WDR1: variants seen among roughly 807,000 people sequenced by gnomAD.
WDR1 encodes the protein WD repeat-containing protein 1.
Under a neutral mutation model 71.9 loss-of-function variants are expected in WDR1, and 21 were observed. The observed-to-expected ratio is 0.29, with a 90% CI of 0.21 to 0.42. WDR1 has a LOEUF of 0.42. Ranked by LOEUF, WDR1 falls within the 10% of genes least tolerant of loss-of-function variation. WDR1 has a pLI of 1.00. For synonymous variants in WDR1, 424 were observed against 347.4 expected, an observed-to-expected ratio of 1.22 and a Z score of -2.45; for missense variants, 696 against 824.5, an observed-to-expected ratio of 0.84 and a Z score of 1.91.
intron 4 of WDR1, 55 bp downstream of exon 4, chr4:10,098,937 A>G (rs1158776604): frequency 3.1e-6 from 5 of 1,609,732 alleles, no homozygotes; most frequent in Admixed American, 3.3e-5. Context: ...GTCATAGCAC[A>G]TGGACGCATG....
intron 12 of WDR1, 51 bp downstream of exon 12, chr4:10,078,840 A>G (rs1764898350): frequency 3.3e-6 from 5 of 1,510,152 alleles, no homozygotes; most frequent in Admixed American, 3.4e-5. Context: ...CTGTCCCCAA[A>G]TCACCCAGAT....
intron 8 of WDR1, among the ~76,000 whole-genome samples, chr4:10,086,330 C>G (rs972247043): frequency 2.6e-5 from 4 of 152,316 alleles, no homozygotes; most frequent in African/African-American, 9.6e-5. Context: ...CCTCTATCCT[C>G]GAGGCCACGT....
rs1469033107 is a variant in WDR1, at chr4:10,088,564, C to T, written c.636+100G>A. ...ATGTGGGGAGGGCGATGTCTAAGTTCTGCATGTCAGGACTAGCATTAGGCA... is the reference window on the plus strand; with the variant it reads ...ATGTGGGGAGGGCGATGTCTAAGTTTTGCATGTCAGGACTAGCATTAGGCA... On this transcript the variant is annotated intron_variant, in intron 6 of 14. Transcript: ENST00000499869. 9.1e-6 allele frequency: 11 copies of T among 1,202,592 alleles called. No individual in the cohort carries two copies. The Admixed American group carries it at 2.2e-4, about 24-fold the overall frequency. 74.5% of individuals were successfully genotyped at this position (1,202,592 alleles called of 1,614,324 possible).
chr4:10,110,909 C>A (rs939026376), intron 2 of WDR1, among the ~76,000 whole-genome samples: 1 of 152,200 alleles, frequency 6.6e-6, no homozygotes, highest in Non-Finnish European at 1.5e-5. Flanking sequence ...GGAAATTACC[C>A]CTCCCTGAAA....
intron 2 of WDR1, among the ~76,000 whole-genome samples, chr4:10,115,289 G>A (rs1713641852): frequency 6.6e-6 from 1 of 152,206 alleles, no homozygotes; most frequent in African/African-American, 2.4e-5. Context: ...CTGACAGACT[G>A]GGTCACCCCA....
At chr4:10,083,586 C>G (rs766216418) in intron 9 of WDR1, 12 of 481,060 alleles carry the variant, frequency 2.5e-5, no homozygotes, top group Non-Finnish European at 4.5e-5. Context: ...CGGACAGTCC[C>G]TTTGGGAGGT....
At chr4:10,083,439 G>T (rs35158081) in intron 9 of WDR1, among the ~76,000 whole-genome samples, 1 of 152,194 alleles carries the variant, frequency 6.6e-6, no homozygotes, top group African/African-American at 2.4e-5. Flanking sequence ...CCAGCAAGCT[G>T]GGGAGGCTCC....
At chr4:10,109,245 CA>C (rs1713204820) in intron 2 of WDR1, among the ~76,000 whole-genome samples, 1 of 152,268 alleles carries the variant, frequency 6.6e-6, no homozygotes, top group Non-Finnish European at 1.5e-5. Context: ...GACCTGAACT[CA>C]GGGCCAGTTG....
At chr4:10,076,866 T>G (rs375510252) in intron 14 of WDR1, 2 of 166,994 alleles carry the variant, frequency 1.2e-5, no homozygotes, top group Non-Finnish European at 1.3e-5. Flanking sequence ...CAGGGAGAAA[T>G]GATGACATGC....
chr4:10,103,922 G>T lies in WDR1; in HGVS notation c.203C>A (p.Pro68His). The change falls in exon 3 of 15, where the codon CCC becomes CAC. Residue 68 changes from proline to histidine, a missense_variant. Pro to His is a moderately conservative substitution (Grantham distance 77, BLOSUM62 -2). Transcript: ENST00000499869. ...TCCGGAGGCAATGTAGAATCCGCTG[G>T]GCGCATACTTGGCCACCACCACCTG... ...AHQVVVAKYA[P>H]SGFYIASGDV... The T allele has an allele frequency of 6.3e-7, 1 of 1,598,084 alleles. No homozygotes were observed. Among genetic ancestry groups the T allele is most frequent in the Non-Finnish European group, 8.5e-7 (1 of 1,172,716 alleles).
At chr4:10,100,030 G>A (rs886688538) in intron 3 of WDR1, among the ~76,000 whole-genome samples, 4 of 152,232 alleles carry the variant, frequency 2.6e-5, no homozygotes, top group African/African-American at 9.6e-5. Context: ...TTGGCGTGAA[G>A]AAATGGGAGC....
At position 10,116,208 on chromosome 4, in the gene WDR1, C is replaced by A; in HGVS notation, c.43G>T (p.Val15Leu). Residue 15 changes from valine (V) to leucine (L), a missense_variant, in exon 2 of 15, where the codon GTG (valine) becomes TTG (leucine). Val to Leu is a conservative substitution (Grantham distance 32, BLOSUM62 1). Transcript: ENST00000499869. ...IKKVFASLPQVERGVSKIIGG... is the reference protein window; with the variant it reads ...IKKVFASLPQLERGVSKIIGG... ...ATGATCTTGGAGACGCCCCTCTCCACCTGCGGGAGGCTGGCGAACACCTTC... is the reference window on the plus strand; with the variant it reads ...ATGATCTTGGAGACGCCCCTCTCCAACTGCGGGAGGCTGGCGAACACCTTC... 1 of 1,613,754 alleles carries A rather than the reference C, an allele frequency of 6.2e-7. No homozygotes were observed. Among genetic ancestry groups the A allele is most frequent in the Non-Finnish European group, 8.5e-7 (1 of 1,179,846 alleles).
At chr4:10,110,396 C>T (rs1423692434) in intron 2 of WDR1, among the ~76,000 whole-genome samples, 1 of 152,192 alleles carries the variant, frequency 6.6e-6, no homozygotes, top group Non-Finnish European at 1.5e-5. Flanking sequence ...TGAGGCTAAA[C>T]CTCTTCTCTT....
At chr4:10,113,647 G>C (rs567532053) in intron 2 of WDR1, among the ~76,000 whole-genome samples, 11 of 152,258 alleles carry the variant, frequency 7.2e-5, no homozygotes, top group Non-Finnish European at 1.3e-4. Flanking sequence ...TTTGGTTTTC[G>C]GGAGTCTGGG....
intron 2 of WDR1, among the ~76,000 whole-genome samples, chr4:10,114,415 C>T (rs746137214): frequency 1.3e-5 from 2 of 152,300 alleles, no homozygotes; most frequent in East Asian, 1.9e-4. Context: ...AGTCTGACTC[C>T]TCTTTAGAGT....
intron 5 of WDR1, chr4:10,092,809 G>A (rs1712084191): frequency 2.9e-6 from 1 of 345,402 alleles, no homozygotes; most frequent in Non-Finnish European, 5.8e-6. Flanking sequence ...GAGTTCAGGG[G>A]CAGCAGCTTC....
intron 9 of WDR1, 106 bp from the exon 10 acceptor site, chr4:10,083,284 C>T (rs1008817720): frequency 3.9e-5 from 53 of 1,373,884 alleles, no homozygotes; most frequent in East Asian, 2.5e-4. Context: ...AGAATCTCGC[C>T]GCAAACGGAC....
At chr4:10,110,014 G>C (rs1358142774) in intron 2 of WDR1, among the ~76,000 whole-genome samples, 1 of 151,100 alleles carries the variant, frequency 6.6e-6, no homozygotes, top group African/African-American at 2.4e-5. Flanking sequence ...AGCACACCAA[G>C]TTTCAGCCAC....
Position 10,097,653 on chromosome 4 carries a change from G to A in WDR1, c.558+58C>T, listed in dbSNP as rs41268389. Reference sequence around the variant, plus strand: ...TGCCATCAGCATCTAAACAGGCTCAGCCTCTGCTAGCCTCATGTACAAACC... The same window carrying A: ...TGCCATCAGCATCTAAACAGGCTCAACCTCTGCTAGCCTCATGTACAAACC... On this transcript the variant is annotated intron_variant, in intron 5 of 14. Coordinates refer to ENST00000499869, the MANE Select transcript of WDR1 (RefSeq NM_017491.5). 312,844 of 1,548,574 alleles carry A rather than the reference G, an allele frequency of 0.2. 33,583 individuals are homozygous for A. Among genetic ancestry groups the A allele is most frequent in the Middle Eastern group, 0.25 (1,178 of 4,730 alleles).
Sources: gnomAD v4.1 joint callset for allele counts (sites outside exome capture counted in the v4.1 genomes callset) on GRCh38, gnomAD v4.1.1 for gene constraint, MANE v1.5 for transcripts, NCBI Gene and HGNC (gene_info 2026-07-23, HGNC 2026-07-21) for gene names.